The following HCN1 variants were observed in gnomAD, a reference collection of about 807,000 sequenced individuals.
The protein encoded by HCN1 is potassium/sodium hyperpolarization-activated cyclic nucleotide-gated channel 1.
HCN1 carries 13 observed loss-of-function variants against 78.9 expected under a neutral mutation model. That is an observed-to-expected ratio of 0.16 (90% CI 0.11 to 0.26). HCN1 has a LOEUF of 0.26. Among genes scored for constraint, HCN1 ranks in the 10% least tolerant of loss-of-function variants. HCN1 has a pLI of 1.00. For missense variants in HCN1, 810 were observed against 1,154.3 expected, an observed-to-expected ratio of 0.70 and a Z score of 4.32; for synonymous variants, 552 against 455.5, an observed-to-expected ratio of 1.21 and a Z score of -2.70.
chr5:45,367,390 T>C (rs975451158), intron 4 of HCN1, among the ~76,000 whole-genome samples: 5 of 151,914 alleles, frequency 3.3e-5, no homozygotes, highest in African/African-American at 1.2e-4. Flanking sequence ...TACAGAAATA[T>C]GAATTTCTGA....
intron 4 of HCN1, among the ~76,000 whole-genome samples, chr5:45,372,203 C>T (rs377196919): frequency 6.5e-4 from 38 of 58,318 alleles, no homozygotes; most frequent in South Asian, 4.2e-3. Flanking sequence ...TAATATAATA[C>T]ATATTATATA....
At chr5:45,519,254 C>T (rs1257182870) in intron 2 of HCN1, among the ~76,000 whole-genome samples, 1 of 151,966 alleles carries the variant, frequency 6.6e-6, no homozygotes. Context: ...AGATCACAGA[C>T]CACTACAATG....
At chr5:45,281,068 A>G (rs1215022780) in intron 6 of HCN1, among the ~76,000 whole-genome samples, 1 of 152,094 alleles carries the variant, frequency 6.6e-6, no homozygotes, top group South Asian at 2.1e-4. Flanking sequence ...AATAAATAGT[A>G]TCATGTGCAA....
intron 2 of HCN1, among the ~76,000 whole-genome samples, chr5:45,544,531 G>A (rs563903050): frequency 2.0e-5 from 3 of 151,722 alleles, no homozygotes; most frequent in Non-Finnish European, 4.4e-5. Context: ...TGCCATGTTG[G>A]TGTGCTGCAC....
chr5:45,293,109 A>G (rs1745412737), intron 6 of HCN1, among the ~76,000 whole-genome samples: 2 of 152,054 alleles, frequency 1.3e-5, no homozygotes, highest in African/African-American at 2.4e-5. Flanking sequence ...TTGAGTATAT[A>G]CCCAGTAATG....
chr5:45,323,258 T>G (rs964423666), intron 5 of HCN1, among the ~76,000 whole-genome samples: 4 of 151,844 alleles, frequency 2.6e-5, no homozygotes, highest in African/African-American at 4.8e-5. Flanking sequence ...ATAAACTATC[T>G]CACGAATGAT....
At chr5:45,385,320 A>T (rs1034606423) in intron 4 of HCN1, among the ~76,000 whole-genome samples, 2 of 152,164 alleles carry the variant, frequency 1.3e-5, no homozygotes, top group Non-Finnish European at 2.9e-5. Context: ...AAGAGCACTT[A>T]TTAATTTATG....
intron 6 of HCN1, among the ~76,000 whole-genome samples, chr5:45,300,622 A>G (rs1433005960): frequency 3.9e-5 from 6 of 152,150 alleles, no homozygotes; most frequent in Admixed American, 2.6e-4. Context: ...TAAGGCTTCC[A>G]GCCAACAGTA....
At chr5:45,588,781 C>G (rs372429642) in intron 2 of HCN1, among the ~76,000 whole-genome samples, 1 of 152,082 alleles carries the variant, frequency 6.6e-6, no homozygotes. Context: ...CTAACAGTAA[C>G]GAATAAGAAT....
At chr5:45,481,283 C>T (rs1419654321) in intron 2 of HCN1, among the ~76,000 whole-genome samples, 3 of 152,162 alleles carry the variant, frequency 2.0e-5, no homozygotes, top group Non-Finnish European at 4.4e-5. Context: ...GTATATACCA[C>T]GTTTTCTTCC....
At chr5:45,410,205 A>G (rs1739998173) in intron 3 of HCN1, among the ~76,000 whole-genome samples, 1 of 152,006 alleles carries the variant, frequency 6.6e-6, no homozygotes, top group Admixed American at 6.6e-5. Flanking sequence ...ATCTTCATTT[A>G]CTGATGTGGA....
intron 2 of HCN1, among the ~76,000 whole-genome samples, chr5:45,578,478 T>C (rs867012836): frequency 6.6e-6 from 1 of 152,146 alleles, no homozygotes. Flanking sequence ...TTCAAAACTA[T>C]ATGCCAGTGT....
At chr5:45,388,002 G>A (rs1030708386) in intron 4 of HCN1, among the ~76,000 whole-genome samples, 5 of 152,050 alleles carry the variant, frequency 3.3e-5, no homozygotes, top group African/African-American at 9.7e-5. Context: ...ACAGGTAACC[G>A]AAACTGAAAA....
intron 3 of HCN1, among the ~76,000 whole-genome samples, chr5:45,417,371 T>C (rs1302519148): frequency 6.6e-6 from 1 of 151,966 alleles, no homozygotes; most frequent in Non-Finnish European, 1.5e-5. Flanking sequence ...CAGTATTTTA[T>C]ACTAAGCTAT....
At position 45,267,464 on chromosome 5, in the gene HCN1, A is replaced by T. The variant is rs866912042; in HGVS notation, c.1619-211T>A. Among the ~76,000 whole-genome samples the T allele has an allele frequency of 0.022, 2,847 of 128,432 alleles. 45 individuals are homozygous for T. Among genetic ancestry groups the T allele is most frequent in the Non-Finnish European group, 0.032 (2,055 of 63,348 alleles). The allele number at this position is 128,432 out of a possible 152,430, so 84.3% of individuals were successfully genotyped here. On this transcript the variant is annotated intron_variant, in intron 6 of 7. Transcript: ENST00000303230. ...ATGTTTTTTTGTTTTGTTTTGTTTT[A>T]AAAAAAAAAAAAACAGTTGAGAAGG...
intron 4 of HCN1, among the ~76,000 whole-genome samples, chr5:45,372,079 T>G (rs1418828652): frequency 3.4e-5 from 2 of 58,692 alleles, no homozygotes; most frequent in Non-Finnish European, 5.3e-5. Flanking sequence ...ATATTATATA[T>G]AATATAATTA....
chr5:45,264,623 A>G (rs1744816910), intron 7 of HCN1, among the ~76,000 whole-genome samples: 1 of 152,234 alleles, frequency 6.6e-6, no homozygotes, highest in African/African-American at 2.4e-5. Context: ...TACATTAGTA[A>G]TAAATATAAA....
intron 1 of HCN1, among the ~76,000 whole-genome samples, chr5:45,693,733 C>A (rs977110778): frequency 6.6e-6 from 1 of 151,934 alleles, no homozygotes; most frequent in African/African-American, 2.4e-5. Flanking sequence ...TTTTATTTAG[C>A]AAGTGGGAAA....
Position 45,377,154 on chromosome 5 carries a change from G to A in HCN1, c.1230+19338C>T, listed in dbSNP as rs145343044. Among the ~76,000 whole-genome samples the A allele has an allele frequency of 1.3e-4, 20 of 151,978 alleles. No individual in the cohort carries two copies. The East Asian group carries it at 1.7e-3, about 13-fold the overall frequency. On this transcript the variant is annotated intron_variant, in intron 4 of 7. Transcript: ENST00000303230. ...TTGAAATTCACAGAATTAAAATATC[G>A]CAATAATAAACGTAAGCCTTGTGAA...
Sources: gnomAD v4.1 joint callset for allele counts (sites outside exome capture counted in the v4.1 genomes callset) on GRCh38, gnomAD v4.1.1 for gene constraint, MANE v1.5 for transcripts, NCBI Gene and HGNC (gene_info 2026-07-23, HGNC 2026-07-21) for gene names.